Variants in CD163L1 observed in about 807,000 individuals in gnomAD.
The protein encoded by CD163L1 is CD163 molecule like 1, also known as scavenger receptor cysteine-rich type 1 protein M160.
CD163L1 carries 124 observed loss-of-function variants against 165.4 expected under a neutral mutation model. The ratio of observed to expected loss-of-function variants is 0.75; its 90% CI spans 0.65 to 0.87. The LOEUF is 0.87. Ranked by LOEUF, CD163L1 falls within the 40% of genes least tolerant of loss-of-function variation. The pLI is 0.00. For missense variants in CD163L1, 1,525 were observed against 1,799.9 expected (o/e 0.85, Z 2.76); for synonymous variants, 585 against 662.2 (o/e 0.88, Z 1.79).
the CD163L1 span, among the ~76,000 whole-genome samples, chr12:7,338,582 C>T: frequency 6.6e-6 from 1 of 152,154 alleles, no homozygotes; most frequent in Admixed American, 6.5e-5. Context: ...CCTTTGTACA[C>T]AGATGTGGTT....
intron 8 of CD163L1, among the ~76,000 whole-genome samples, chr12:7,394,081 G>A (rs74717164): frequency 0.013 from 1,896 of 149,826 alleles, 48 homozygotes; most frequent in African/African-American, 0.043. Flanking sequence ...TTTAAAGTTC[G>A]TATGGAACCA....
chr12:7,409,824 A>G (rs987839327), intron 4 of CD163L1, among the ~76,000 whole-genome samples: 6 of 152,198 alleles, frequency 3.9e-5, no homozygotes, highest in African/African-American at 1.2e-4. Flanking sequence ...AGATTATACT[A>G]CACCTCCAAT....
At chr12:7,323,360 GT>G in the CD163L1 span, 1 of 1,594,674 alleles carries the variant, frequency 6.3e-7, no homozygotes, top group Non-Finnish European at 8.6e-7. Flanking sequence ...GAGAGAGAAC[GT>G]TTTCCTTTTC....
intron 9 of CD163L1, among the ~76,000 whole-genome samples, chr12:7,378,149 C>A (rs1003662284): frequency 6.6e-6 from 1 of 152,134 alleles, no homozygotes; most frequent in Non-Finnish European, 1.5e-5. Flanking sequence ...AGTCTAGAAA[C>A]CTTTATCTTT....
chr12:7,324,687 A>T, the CD163L1 span: 1 of 1,386,574 alleles, frequency 7.2e-7, no homozygotes, highest in Non-Finnish European at 1.0e-6. Flanking sequence ...AAGAGAGGTC[A>T]ATCTATTAAT....
At chr12:7,405,054 A>C (rs1326729299) in intron 5 of CD163L1, among the ~76,000 whole-genome samples, 1 of 152,168 alleles carries the variant, frequency 6.6e-6, no homozygotes, top group Non-Finnish European at 1.5e-5. Context: ...TTGGCCATAC[A>C]CATCTGTTTT....
Position 7,374,284 on chromosome 12 carries a change from A to G in CD163L1, c.3409+158T>C, listed in dbSNP as rs1947206011. On this transcript the variant is annotated intron_variant, in intron 13 of 19. Coordinates refer to ENST00000313599, the MANE Select transcript of CD163L1 (RefSeq NM_174941.6). This position sits in a 1 kb window ranked among gnomAD's most constrained non-coding sequence, Gnocchi z 5.4. Reference sequence around the variant, plus strand: ...CAGACAAATGTAATATGACAAGGGTATTAAGAAATCAGTATAAGAGAATAG... The same window carrying G: ...CAGACAAATGTAATATGACAAGGGTGTTAAGAAATCAGTATAAGAGAATAG... Among the ~76,000 whole-genome samples, 3 of 152,254 alleles carry G rather than the reference A, an allele frequency of 2.0e-5. No individual in the cohort carries two copies. Among genetic ancestry groups the G allele is most frequent in the Non-Finnish European group, 4.4e-5 (3 of 68,046 alleles).
At chr12:7,427,358 A>G (rs1948562001) in intron 4 of CD163L1, among the ~76,000 whole-genome samples, 3 of 152,144 alleles carry the variant, frequency 2.0e-5, no homozygotes, top group Non-Finnish European at 4.4e-5. Flanking sequence ...GATAAAAATC[A>G]TGGAAAGATA....
intron 18 of CD163L1, 29 bp downstream of exon 18, chr12:7,367,207 T>G (rs758112364): frequency 2.2e-6 from 3 of 1,378,000 alleles, no homozygotes; most frequent in African/African-American, 2.8e-5. Context: ...ACCCTCTCCA[T>G]GGAGTGCGGC....
At chr12:7,411,853 C>A (rs778572438) in intron 4 of CD163L1, among the ~76,000 whole-genome samples, 54 of 152,342 alleles carry the variant, frequency 3.5e-4, no homozygotes, top group South Asian at 8.3e-4. Flanking sequence ...GGATTAAGCA[C>A]TAACATTAGG....
chr12:7,439,439 G>C, intron 2 of CD163L1: 1 of 1,586,528 alleles, frequency 6.3e-7, no homozygotes, highest in Admixed American at 1.9e-5. Flanking sequence ...TCCAGGTCTG[G>C]TTTGGACTTG....
In CD163L1 at chr12:7,374,264, A is replaced by G. The variant is rs960485575; in HGVS notation, c.3409+178T>C. On this transcript the variant is annotated intron_variant, in intron 13 of 19. Transcript: ENST00000313599. The surrounding 1 kb of genome is among the most constrained non-coding windows in gnomAD (Gnocchi z 5.4). ...TCTCAGTTATGAATGATACCCAGAC[A>G]AATGTAATATGACAAGGGTATTAAG... Among the ~76,000 whole-genome samples the G allele has an allele frequency of 6.6e-6, 1 of 152,234 alleles. No homozygotes were observed. The highest frequency in any genetic ancestry group is 3.2e-3 in the Middle Eastern group (1 of 316).
intron 18 of CD163L1, among the ~76,000 whole-genome samples, chr12:7,358,852 A>T (rs1474087255): frequency 6.6e-6 from 1 of 152,154 alleles, no homozygotes; most frequent in Non-Finnish European, 1.5e-5. Context: ...GAAAAAGAGG[A>T]CAACCTGCAA....
chr12:7,412,186 T>A (rs1021842611), intron 4 of CD163L1, among the ~76,000 whole-genome samples: 14 of 152,204 alleles, frequency 9.2e-5, no homozygotes, highest in African/African-American at 1.9e-4. Context: ...TCACAATTCA[T>A]TTTACTAGGA....
At chr12:7,421,831 T>C (rs1000541171) in intron 4 of CD163L1, among the ~76,000 whole-genome samples, 2 of 151,292 alleles carry the variant, frequency 1.3e-5, no homozygotes, top group Non-Finnish European at 2.9e-5. Flanking sequence ...TTCTCACTCA[T>C]AAGTGGGAGC....
chr12:7,375,180 C>G, intron 11 of CD163L1, 101 bp downstream of exon 11: 2 of 1,214,624 alleles, frequency 1.6e-6, no homozygotes, highest in Non-Finnish European at 2.3e-6. Flanking sequence ...CCCCCTCCAC[C>G]TGCACCCCCA....
intron 8 of CD163L1, among the ~76,000 whole-genome samples, chr12:7,380,359 A>G (rs762913109): frequency 1.4e-5 from 2 of 147,782 alleles, no homozygotes; most frequent in African/African-American, 5.1e-5. Context: ...GTATGTGTGT[A>G]TACGCGTATA....
At chr12:7,408,018 C>T (rs1468908906) in intron 4 of CD163L1, among the ~76,000 whole-genome samples, 1 of 151,806 alleles carries the variant, frequency 6.6e-6, no homozygotes, top group African/African-American at 2.4e-5. Flanking sequence ...CCCACAGATT[C>T]TAAAGGCCAA....
chr12:7,433,715 T>G (rs749298369), intron 2 of CD163L1, 21 bp from the exon 3 acceptor site: 5 of 1,563,724 alleles, frequency 3.2e-6, no homozygotes, highest in Non-Finnish European at 4.4e-6. Flanking sequence ...GACAGAAACA[T>G]ACATTAGAGA....
Sources: gnomAD v4.1 joint callset for allele counts (sites outside exome capture counted in the v4.1 genomes callset) on GRCh38, gnomAD v4.1.1 for gene constraint, Gnocchi (gnomAD v3.1) non-coding constraint, MANE v1.5 for transcripts, NCBI Gene and HGNC (gene_info 2026-07-23, HGNC 2026-07-21) for gene names.